ETF1: variants seen among roughly 807,000 people sequenced by gnomAD.
ETF1 encodes the protein eukaryotic peptide chain release factor subunit 1.
ETF1 carries 4 observed loss-of-function variants against 55.1 expected under a neutral mutation model. That is an observed-to-expected ratio of 0.07 (90% confidence interval 0.04 to 0.17). ETF1 has a LOEUF of 0.17. ETF1 is among the 10% of genes least tolerant of loss of function. ETF1 has a pLI of 1.00. For missense variants in ETF1, 142 were observed against 523.6 expected, an observed-to-expected ratio of 0.27 and a Z score of 7.11; for synonymous variants, 157 against 182.3, an observed-to-expected ratio of 0.86 and a Z score of 1.12.
intron 4 of ETF1, among the ~76,000 whole-genome samples, chr5:138,516,449 C>T (rs1765021962): frequency 6.6e-6 from 1 of 152,074 alleles, no homozygotes; most frequent in Non-Finnish European, 1.5e-5. Flanking sequence ...CAGGCCTGGC[C>T]AACATGGCAA....
chr5:138,518,867 G>T lies in ETF1; in HGVS notation c.87C>A (p.Gly29=). Residue 29 remains glycine, a splice_region_variant and synonymous_variant, in exon 3 of 11, where the codon GGC becomes GGA. Coordinates refer to ENST00000360541, the MANE Select transcript of ETF1 (RefSeq NM_004730.4). ...TCAATGATATCATGCTGGTGCCATT[G>T]CTGTGGAAGAAAGAATAACTCATTA... ...KLIKSLEAAR[G]NGTSMISLII... is the part of the protein sequence containing the mutation. The T allele has an allele frequency of 2.5e-6, 4 of 1,613,216 alleles. No homozygotes were observed. The highest frequency in any genetic ancestry group is 3.4e-6 in the Non-Finnish European group (4 of 1,179,232).
At chr5:138,529,815 C>A (rs999605666) in intron 2 of ETF1, 4 of 567,594 alleles carry the variant, frequency 7.0e-6, no homozygotes, top group Admixed American at 6.4e-5. Flanking sequence ...TGCAGTGGCA[C>A]AATCACAGCT....
At chr5:138,520,630 C>G (rs1230974218) in intron 2 of ETF1, among the ~76,000 whole-genome samples, 1 of 152,110 alleles carries the variant, frequency 6.6e-6, no homozygotes, top group African/African-American at 2.4e-5. Flanking sequence ...ACAGCCTGGG[C>G]AACATAATGA....
chr5:138,508,480 CTTGCAGAA>C, intron 10 of ETF1, 93 bp from the exon 11 acceptor site: 2 of 1,577,550 alleles, frequency 1.3e-6, no homozygotes, highest in Non-Finnish European at 1.7e-6. Flanking sequence ...GCCCTATTCT[CTTGCAGAA>C]TTGCAGAAAG....
intron 2 of ETF1, among the ~76,000 whole-genome samples, chr5:138,532,047 A>G (rs1392224060): frequency 1.1e-5 from 1 of 91,334 alleles, no homozygotes; most frequent in Non-Finnish European, 2.2e-5. Flanking sequence ...CTCCGCCTCA[A>G]AAAAATAAAA....
rs1765781552 is a variant in ETF1, at chr5:138,533,371, C to T, written c.86+9462G>A. ...TTTAAGCAAACACCAGAGATTTATT[C>T]TAAACTACCAAATAAAATACCAATA... On this transcript the variant is annotated intron_variant, in intron 2 of 10. Coordinates refer to ENST00000360541, the MANE Select transcript of ETF1 (RefSeq NM_004730.4). Among the ~76,000 whole-genome samples the T allele has an allele frequency of 2.6e-5, 4 of 152,032 alleles. 1 individual carries two copies. In the South Asian group the frequency reaches 8.3e-4, roughly 32 times the overall value.
chr5:138,521,484 GA>G (rs1561836172), intron 2 of ETF1, among the ~76,000 whole-genome samples: 2 of 152,080 alleles, frequency 1.3e-5, no homozygotes, highest in Non-Finnish European at 2.9e-5. Flanking sequence ...TTTTTACAAC[GA>G]AAAAAATTCT....
At chr5:138,535,088 T>C (rs1765863121) in intron 2 of ETF1, among the ~76,000 whole-genome samples, 1 of 151,120 alleles carries the variant, frequency 6.6e-6, no homozygotes, top group African/African-American at 2.4e-5. Context: ...GTAGCTGGGA[T>C]TACAGGCATG....
At chr5:138,541,121 C>G (rs1311367711) in intron 2 of ETF1, among the ~76,000 whole-genome samples, 1 of 152,176 alleles carries the variant, frequency 6.6e-6, no homozygotes, top group East Asian at 1.9e-4. Flanking sequence ...CAACAGCAAT[C>G]TATAAAATGC....
At chr5:138,510,945 A>G (rs1423540362) in intron 8 of ETF1, 100 bp downstream of exon 8, 1 of 1,532,850 alleles carries the variant, frequency 6.5e-7, no homozygotes, top group African/African-American at 1.4e-5. Context: ...GGGTAGATCT[A>G]CCTTCTGATT....
At chr5:138,524,093 C>T (rs965330236) in intron 2 of ETF1, among the ~76,000 whole-genome samples, 6 of 151,440 alleles carry the variant, frequency 4.0e-5, no homozygotes, top group African/African-American at 1.2e-4. Context: ...GGCTGAGGCA[C>T]GAAAACTGCT....
chr5:138,515,379 C>T (rs138739573), intron 4 of ETF1, among the ~76,000 whole-genome samples: 17 of 152,192 alleles, frequency 1.1e-4, no homozygotes, highest in Non-Finnish European at 1.6e-4. Context: ...GAGCCGAGAT[C>T]GTGCCATTGC....
chr5:138,518,163 C>T lies in ETF1; in HGVS notation c.263-463G>A, dbSNP rs182342484. On this transcript the variant is annotated intron_variant, in intron 3 of 10. Coordinates refer to ENST00000360541, the MANE Select transcript of ETF1 (RefSeq NM_004730.4). Reference sequence around the variant, plus strand: ...GGTGAGCTGAGATCGGATTACTGCACTTCAGTCTCTGGGTGACAGAGCAAG... The same window carrying T: ...GGTGAGCTGAGATCGGATTACTGCATTTCAGTCTCTGGGTGACAGAGCAAG... 3.3e-3 allele frequency among the ~76,000 whole-genome samples: 454 copies of T among 136,944 alleles called. 4 individuals carry two copies. Among genetic ancestry groups the T allele is most frequent in the African/African-American group, 0.011 (411 of 35,980 alleles). The allele number at this position is 136,944 out of a possible 152,430, so 89.8% of individuals were successfully genotyped here.
Position 138,515,061 on chromosome 5 carries a change from A to C in ETF1, c.403-1355T>G, listed in dbSNP as rs183600401. 3.3e-5 allele frequency among the ~76,000 whole-genome samples: 5 copies of C among 152,350 alleles called. No individual in the cohort carries two copies. The East Asian group carries it at 9.6e-4, about 29-fold the overall frequency. On this transcript the variant is annotated intron_variant, in intron 4 of 10. Coordinates refer to ENST00000360541, the MANE Select transcript of ETF1 (RefSeq NM_004730.4). ...CCATTTTAAGAAAATAGCCCCTTCA[A>C]TAATTGACTAGAAAGCAGATGGATC... is the stretch of plus-strand genomic sequence containing the variant.
chr5:138,542,592 G>T (rs546380891), intron 2 of ETF1: 1 of 1,389,944 alleles, frequency 7.2e-7, no homozygotes, highest in African/African-American at 1.5e-5. Context: ...CCTACCACGA[G>T]GGGGGCCGAG....
At chr5:138,511,327 A>AAAATACT in intron 7 of ETF1, 127 bp from the exon 8 acceptor site, 1 of 1,509,768 alleles carries the variant, frequency 6.6e-7, no homozygotes, top group Non-Finnish European at 8.8e-7. Flanking sequence ...AGAGTTAATA[A>AAAATACT]AAATACTAAA....
chr5:138,540,916 G>A (rs1766145927), intron 2 of ETF1, among the ~76,000 whole-genome samples: 2 of 152,268 alleles, frequency 1.3e-5, no homozygotes, highest in African/African-American at 2.4e-5. Flanking sequence ...GCAGTAGAAA[G>A]GAATGCTGTT....
chr5:138,527,409 A>C (rs1244010339), intron 2 of ETF1, among the ~76,000 whole-genome samples: 1 of 152,268 alleles, frequency 6.6e-6, no homozygotes, highest in Non-Finnish European at 1.5e-5. Context: ...CACGGAATCA[A>C]GGAAATTTAT....
At chr5:138,512,666 G>A in intron 6 of ETF1, 98 bp downstream of exon 6, 1 of 1,144,828 alleles carries the variant, frequency 8.7e-7, no homozygotes, top group East Asian at 3.0e-5. Context: ...TTTAACCCAA[G>A]GAATTTTAAA....
Sources: allele counts gnomAD v4.1 joint callset (sites outside exome capture counted in the v4.1 genomes callset), GRCh38; gene constraint gnomAD v4.1.1; transcripts MANE v1.5; gene names NCBI Gene and HGNC (gene_info 2026-07-23, HGNC 2026-07-21).